Variants in FGF12 observed in about 807,000 individuals in gnomAD.
FGF12 encodes fibroblast growth factor 12B.
Under a neutral mutation model 23.6 loss-of-function variants are expected in FGF12, and 14 were observed. The observed-to-expected ratio is 0.59, with a 90% CI of 0.39 to 0.93. The LOEUF (loss-of-function observed/expected upper bound fraction) is 0.93. Ranked by LOEUF, FGF12 falls within the 40% of genes least tolerant of loss-of-function variation. FGF12 has a pLI of 0.00. For missense variants in FGF12, 175 were observed against 217.8 expected, an observed-to-expected ratio of 0.80 and a Z score of 1.24; for synonymous variants, 62 against 77.3, an observed-to-expected ratio of 0.80 and a Z score of 1.04.
intron 4 of FGF12, among the ~76,000 whole-genome samples, chr3:192,266,113 A>G (rs1267993062): frequency 6.6e-6 from 1 of 152,164 alleles, no homozygotes; most frequent in African/African-American, 2.4e-5. Context: ...CTTCGAAGGC[A>G]AAACAAAATA....
At chr3:192,195,506 T>C (rs1032898943) in intron 4 of FGF12, among the ~76,000 whole-genome samples, 1 of 152,204 alleles carries the variant, frequency 6.6e-6, no homozygotes. Context: ...GCCTACATTA[T>C]TCCATAAATG....
intron 2 of FGF12, among the ~76,000 whole-genome samples, chr3:192,652,234 A>G (rs1170603116): frequency 1.3e-5 from 2 of 152,338 alleles, no homozygotes; most frequent in Non-Finnish European, 2.9e-5. Flanking sequence ...ACAATTCATC[A>G]TGTTCATGAG....
chr3:192,144,556 C>T lies in FGF12; in HGVS notation c.428-429G>A, dbSNP rs375479958. ...ACCATAGGAAATATAATGTATCAAA[C>T]TGAAATATTTATTGCCATTTCCAGG... is the stretch of plus-strand genomic sequence containing the variant. On this transcript the variant is annotated intron_variant, in intron 5 of 5. Transcript: ENST00000445105. Among the ~76,000 whole-genome samples the T allele has an allele frequency of 5.4e-4, 82 of 152,182 alleles. 1 individual carries two copies. In the East Asian group the frequency reaches 9.8e-3, roughly 18 times the overall value.
At chr3:192,704,777 T>G (rs1189956960) in intron 2 of FGF12, among the ~76,000 whole-genome samples, 1 of 152,238 alleles carries the variant, frequency 6.6e-6, no homozygotes, top group Non-Finnish European at 1.5e-5. Flanking sequence ...TGCTGTTTAG[T>G]GTAGCCACCT....
At chr3:192,209,236 C>G (rs1031704544) in intron 4 of FGF12, among the ~76,000 whole-genome samples, 1 of 152,056 alleles carries the variant, frequency 6.6e-6, no homozygotes, top group Non-Finnish European at 1.5e-5. Flanking sequence ...CCACCACCAC[C>G]ATCATCATCA....
chr3:192,185,565 A>G (rs1716410556), intron 4 of FGF12, among the ~76,000 whole-genome samples: 1 of 152,028 alleles, frequency 6.6e-6, no homozygotes, highest in South Asian at 2.1e-4. Context: ...TGAAAGGTAA[A>G]AGTTATAGCT....
intron 2 of FGF12, among the ~76,000 whole-genome samples, chr3:192,599,254 T>TATAATAATA (rs11269443): frequency 0.19 from 18,273 of 98,144 alleles, 1,210 homozygotes; most frequent in Middle Eastern, 0.24. Flanking sequence ...GAACTTGAAG[T>TATAATAATA]ATAATAATAA....
At position 192,141,584 on chromosome 3, in the gene FGF12, A is replaced by G. The variant is rs2108572691; in HGVS notation, c.*2425T>C. The G allele has an allele frequency of 6.6e-6, 1 of 152,122 alleles. No homozygotes were observed. Among genetic ancestry groups the G allele is most frequent in the Non-Finnish European group, 1.5e-5 (1 of 67,874 alleles). The allele number at this position is 152,122 out of a possible 1,614,324, so 9.4% of individuals were successfully genotyped here. Reference sequence around the variant, plus strand: ...ACAATATACAAATTGTGTGGTTAGAATTTTTTCTTAACTGCTATCAGGAAG... The same window carrying G: ...ACAATATACAAATTGTGTGGTTAGAGTTTTTTCTTAACTGCTATCAGGAAG... On this transcript the variant is annotated 3_prime_UTR_variant, in exon 6 of 6. Coordinates refer to ENST00000445105, the MANE Select transcript of FGF12 (RefSeq NM_004113.6).
intron 4 of FGF12, among the ~76,000 whole-genome samples, chr3:192,334,002 A>T (rs2108697406): frequency 6.6e-6 from 1 of 152,254 alleles, no homozygotes; most frequent in South Asian, 2.1e-4. Flanking sequence ...TTGGGTCTGC[A>T]GAGTAAACCA....
intron 2 of FGF12, among the ~76,000 whole-genome samples, chr3:192,632,959 C>T (rs986883067): frequency 6.6e-6 from 1 of 152,088 alleles, no homozygotes; most frequent in South Asian, 2.1e-4. Flanking sequence ...CTTGGCTCAT[C>T]GATGCATCAA....
intron 4 of FGF12, among the ~76,000 whole-genome samples, chr3:192,195,747 T>A (rs1180588737): frequency 6.6e-6 from 1 of 150,850 alleles, no homozygotes; most frequent in Non-Finnish European, 1.5e-5. Flanking sequence ...TGTGTATATA[T>A]GTATGTATGT....
intron 4 of FGF12, among the ~76,000 whole-genome samples, chr3:192,320,778 C>G (rs1031951619): frequency 2.0e-5 from 3 of 151,634 alleles, no homozygotes; most frequent in African/African-American, 7.3e-5. Context: ...AAAATGAAAG[C>G]ACAATATACC....
intron 4 of FGF12, among the ~76,000 whole-genome samples, chr3:192,327,289 G>T (rs1435474796): frequency 6.6e-6 from 1 of 152,102 alleles, no homozygotes; most frequent in Non-Finnish European, 1.5e-5. Context: ...GATTCTCATG[G>T]TTACAGCTAC....
In FGF12 at chr3:192,575,715, A is replaced by AT. The variant is rs547618188; in HGVS notation, c.13+151465dup. 1.7e-4 allele frequency among the ~76,000 whole-genome samples: 26 copies of AT among 150,642 alleles called. No individual in the cohort carries two copies. The East Asian group carries it at 1.8e-3, about 10-fold the overall frequency. ...CCTAGTTTCTTTCTAATTCAGACTG[A>AT]TTTTTTTTTAAAGATCTATTCTGGA... On this transcript the variant is annotated intron_variant, in intron 2 of 5. Coordinates refer to ENST00000445105, the MANE Select transcript of FGF12 (RefSeq NM_004113.6).
Position 192,599,639 on chromosome 3 carries a change from A to G in FGF12, c.13+127542T>C, listed in dbSNP as rs548440115. On this transcript the variant is annotated intron_variant, in intron 2 of 5. Transcript: ENST00000445105. Reference sequence around the variant, plus strand: ...ATTATAATGGAGGGAAGATTTACTCATTTATTAACTAATAAATATTTATTG... The same window carrying G: ...ATTATAATGGAGGGAAGATTTACTCGTTTATTAACTAATAAATATTTATTG... Among the ~76,000 whole-genome samples the G allele has an allele frequency of 2.0e-5, 3 of 152,268 alleles. No homozygotes were observed. The South Asian group carries it at 6.2e-4, about 32-fold the overall frequency.
intron 4 of FGF12, among the ~76,000 whole-genome samples, chr3:192,195,307 T>C (rs68164559): frequency 0.09 from 13,687 of 152,302 alleles, 647 homozygotes; most frequent in East Asian, 0.13. Flanking sequence ...ACGTTTATAA[T>C]GACAGATACA....
intron 2 of FGF12, among the ~76,000 whole-genome samples, chr3:192,636,551 C>T (rs1030121261): frequency 6.6e-6 from 1 of 152,228 alleles, no homozygotes; most frequent in African/African-American, 2.4e-5. Context: ...TACTTCTTTT[C>T]TCCTTCATGA....
At chr3:192,709,590 C>T (rs561356172) in intron 2 of FGF12, among the ~76,000 whole-genome samples, 2 of 152,250 alleles carry the variant, frequency 1.3e-5, no homozygotes, top group Admixed American at 6.5e-5. Context: ...CCAGGTTTTC[C>T]CAGATAAAAT....
chr3:192,712,128 A>C (rs1718708948), intron 2 of FGF12, among the ~76,000 whole-genome samples: 1 of 151,826 alleles, frequency 6.6e-6, no homozygotes, highest in Non-Finnish European at 1.5e-5. Flanking sequence ...AAAGATTAAA[A>C]GATAAACTTG....
Sources: allele counts gnomAD v4.1 joint callset (sites outside exome capture counted in the v4.1 genomes callset), GRCh38; gene constraint gnomAD v4.1.1; transcripts MANE v1.5; gene names NCBI Gene and HGNC (gene_info 2026-07-23, HGNC 2026-07-21).